ZDHHC9: variants seen among roughly 807,000 people sequenced by gnomAD.
The protein encoded by ZDHHC9 is zDHHC palmitoyltransferase 9.
Under a neutral mutation model 26.6 loss-of-function variants are expected in ZDHHC9, and 3 were observed. That is an observed-to-expected ratio of 0.11 (90% confidence interval 0.05 to 0.29). The LOEUF is 0.29. ZDHHC9 is among the 10% of genes least tolerant of loss of function. The probability of loss-of-function intolerance (pLI) is 1.00; values close to 1 mark genes in which losing one functional copy is unlikely to be tolerated. For synonymous variants in ZDHHC9, 111 were observed against 109.4 expected (o/e 1.01, Z -0.09); for missense variants, 146 against 296.4 (o/e 0.49, Z 3.73).
At chrX:129,839,718 G>GAC (rs1282574216) in intron 3 of ZDHHC9, among the ~76,000 whole-genome samples, 7 of 110,581 alleles carry the variant, frequency 6.3e-5, no homozygotes, top group Non-Finnish European at 1.3e-4. Flanking sequence ...GTATATGACA[G>GAC]ACACACACAC....
intron 3 of ZDHHC9, among the ~76,000 whole-genome samples, chrX:129,831,398 C>A (rs1031377107): frequency 1.8e-5 from 2 of 111,387 alleles, no homozygotes; most frequent in African/African-American, 6.5e-5. Context: ...TGATTGGCCA[C>A]CAAAGAGAGC....
At chrX:129,829,314 T>C (rs1291462241) in intron 3 of ZDHHC9, among the ~76,000 whole-genome samples, 173 bp from the exon 4 acceptor site, 1 of 111,490 alleles carries the variant, frequency 9.0e-6, no homozygotes, top group Admixed American at 9.6e-5. Context: ...TTACCCATAG[T>C]AGGAGCTCAA....
At chrX:129,839,216 C>G (rs1928324254) in intron 3 of ZDHHC9, among the ~76,000 whole-genome samples, 1 of 108,453 alleles carries the variant, frequency 9.2e-6, no homozygotes, top group South Asian at 4.0e-4. Flanking sequence ...TGAGGCCTCA[C>G]TAAGTTCTTT....
intron 6 of ZDHHC9, 95 bp downstream of exon 6, chrX:129,814,563 G>T: frequency 8.8e-7 from 1 of 1,132,283 alleles, no homozygotes; most frequent in South Asian, 1.8e-5. Flanking sequence ...CTTTCACAAT[G>T]GTACCACCAG....
intron 4 of ZDHHC9, among the ~76,000 whole-genome samples, chrX:129,827,268 A>AAGGGAGGG (rs1259683171): frequency 4.2e-5 from 3 of 71,592 alleles, no homozygotes; most frequent in Non-Finnish European, 7.2e-5. Context: ...GGAAGGAAGG[A>AAGGGAGGG]AGGGAGGGAG....
chrX:129,831,647 T>C (rs1192152346), intron 3 of ZDHHC9, among the ~76,000 whole-genome samples: 1 of 111,690 alleles, frequency 9.0e-6, no homozygotes, highest in South Asian at 3.7e-4. Context: ...ATCCACTCTG[T>C]ATGTCAACAA....
intron 10 of ZDHHC9, among the ~76,000 whole-genome samples, chrX:129,807,674 G>T (rs1351256071): frequency 9.1e-6 from 1 of 110,470 alleles, no homozygotes; most frequent in Non-Finnish European, 1.9e-5. Flanking sequence ...ACAAAAATTA[G>T]CCGGTGTGGT....
intron 3 of ZDHHC9, among the ~76,000 whole-genome samples, chrX:129,835,829 A>G (rs1236863240): frequency 1.8e-5 from 2 of 112,576 alleles, no homozygotes; most frequent in Admixed American, 9.4e-5. Flanking sequence ...CAAACTGTTC[A>G]GGAGATACAA....
chrX:129,806,729 A>G (rs947896576), intron 10 of ZDHHC9, among the ~76,000 whole-genome samples: 1 of 111,805 alleles, frequency 8.9e-6, no homozygotes, highest in Middle Eastern at 4.2e-3. Flanking sequence ...TATTATTATT[A>G]ATAGTCATAA....
At chrX:129,838,009 C>G (rs1200757909) in intron 3 of ZDHHC9, among the ~76,000 whole-genome samples, 1 of 112,328 alleles carries the variant, frequency 8.9e-6, no homozygotes, top group Non-Finnish European at 1.9e-5. Context: ...ATCGCACAAG[C>G]TGGATAGAGC....
At position 129,806,433 on chromosome X, in the gene ZDHHC9, G is replaced by C. The variant is rs755391148; in HGVS notation, c.1032C>G (p.Pro344=). Residue 344 remains proline (P), a synonymous_variant, in exon 11 of 11, where the codon CCC becomes CCG. Transcript: ENST00000357166. ...GGGGCTCTGGAGGTGGCATCTCTTC[G>C]GGAGTGCTGCTGTCCTCCGGCATCT... is the stretch of plus-strand genomic sequence containing the variant. ...SNEMPEDSST[P]EEMPPPEPPE... is the part of the protein sequence containing the mutation. The C allele has an allele frequency of 5.0e-6, 6 of 1,211,694 alleles. No homozygotes were observed. The highest frequency in any genetic ancestry group is 5.6e-6 in the Non-Finnish European group (5 of 895,473).
chrX:129,816,480 G>T (rs180994654), intron 5 of ZDHHC9, among the ~76,000 whole-genome samples: 6 of 110,337 alleles, frequency 5.4e-5, no homozygotes, highest in African/African-American at 9.9e-5. Context: ...GTACAAAACT[G>T]CATTGTTCAA....
At chrX:129,819,415 G>A (rs1269361732) in intron 5 of ZDHHC9, among the ~76,000 whole-genome samples, 21 of 109,643 alleles carry the variant, frequency 1.9e-4, no homozygotes, top group Non-Finnish European at 3.8e-4. Context: ...TAGAAAACTT[G>A]AAAAAAATAA....
chrX:129,807,378 G>A (rs1056746106), intron 10 of ZDHHC9, among the ~76,000 whole-genome samples: 3 of 106,571 alleles, frequency 2.8e-5, no homozygotes, highest in East Asian at 2.9e-4. Context: ...CCCGGGAAGC[G>A]GAGCTTGCAG....
chrX:129,832,226 T>C (rs1449967603), intron 3 of ZDHHC9, among the ~76,000 whole-genome samples: 2 of 110,291 alleles, frequency 1.8e-5, no homozygotes, highest in Non-Finnish European at 3.8e-5. Flanking sequence ...CCTAGACTAA[T>C]CCCATAATTG....
chrX:129,829,721 G>T (rs1928099953), intron 3 of ZDHHC9, among the ~76,000 whole-genome samples: 1 of 111,858 alleles, frequency 8.9e-6, no homozygotes, highest in African/African-American at 3.3e-5. Flanking sequence ...AATTAGCTCA[G>T]CTAATAAGTG....
At chrX:129,807,125 A>T (rs924638407) in intron 10 of ZDHHC9, among the ~76,000 whole-genome samples, 3 of 112,713 alleles carry the variant, frequency 2.7e-5, no homozygotes, top group Non-Finnish European at 5.6e-5. Context: ...GAGAACTATT[A>T]TCTACCTTAT....
intron 6 of ZDHHC9, among the ~76,000 whole-genome samples, chrX:129,814,163 T>A (rs966892733): frequency 8.9e-6 from 1 of 112,093 alleles, no homozygotes; most frequent in Non-Finnish European, 1.9e-5. Context: ...CCACATCACA[T>A]CTGCTCTTAG....
At chrX:129,815,261 T>C (rs1927733685) in intron 5 of ZDHHC9, among the ~76,000 whole-genome samples, 1 of 112,059 alleles carries the variant, frequency 8.9e-6, no homozygotes, top group Admixed American at 9.5e-5. Flanking sequence ...TATATAAGAT[T>C]TTGTTGTCTA....
Sources: gnomAD v4.1 joint callset for allele counts (sites outside exome capture counted in the v4.1 genomes callset) on GRCh38, gnomAD v4.1.1 for gene constraint, MANE v1.5 for transcripts, NCBI Gene and HGNC (gene_info 2026-07-23, HGNC 2026-07-21) for gene names.